ECHDC2: variants seen among roughly 807,000 people sequenced by gnomAD.
ECHDC2 encodes enoyl-CoA hydratase domain-containing protein 2, mitochondrial.
A neutral mutation model predicts 40.6 loss-of-function variants in ECHDC2; 34 were observed. That is an observed-to-expected ratio of 0.84 (90% CI 0.64 to 1.11). The LOEUF (loss-of-function observed/expected upper bound fraction) is 1.11. ECHDC2 is among the 50% of genes most tolerant of loss of function. ECHDC2 has a pLI of 0.00. For missense variants in ECHDC2, 392 were observed against 400.7 expected (o/e 0.98, Z 0.19); for synonymous variants, 162 against 166.6 (o/e 0.97, Z 0.21).
chr1:52,907,764 TC>T, intron 4 of ECHDC2, 103 bp downstream of exon 4: 1 of 1,026,256 alleles, frequency 9.7e-7, no homozygotes, highest in South Asian at 1.5e-5. Context: ...ATCACAGAAC[TC>T]CAAACAGAAA....
At chr1:52,910,352 G>GTTTATTTTTTTT (rs1649103264) in intron 3 of ECHDC2, among the ~76,000 whole-genome samples, 1 of 32,062 alleles carries the variant, frequency 3.1e-5, no homozygotes, top group East Asian at 8.5e-4. Context: ...CCACAATTTC[G>GTTTATTTTTTTT]TTTTTTTTTT....
In ECHDC2 at chr1:52,896,517, G is replaced by C. The variant is rs1328610142; in HGVS notation, c.*3C>G. 3.1e-6 allele frequency: 5 copies of C among 1,612,892 alleles called. No homozygotes were observed. Among genetic ancestry groups the C allele is most frequent in the Non-Finnish European group, 4.2e-6 (5 of 1,178,974 alleles). On this transcript the variant is annotated 3_prime_UTR_variant, in exon 10 of 10. Transcript: ENST00000371522. ...TCTCCCATGCTGAAGGTTAAAATGG[G>C]GGTCATTTGCCAACAAATTTGGGAG...
chr1:52,919,509 GA>G (rs1651436454), intron 1 of ECHDC2, among the ~76,000 whole-genome samples: 1 of 152,152 alleles, frequency 6.6e-6, no homozygotes, highest in African/African-American at 2.4e-5. Context: ...TGCACTCTGT[GA>G]TGCTCCCACA....
chr1:52,906,421 C>A (rs776565736), intron 5 of ECHDC2, 98 bp downstream of exon 5: 1 of 1,103,382 alleles, frequency 9.1e-7, no homozygotes. Flanking sequence ...GGTTGGAAGC[C>A]AAGAACAGTG....
intron 4 of ECHDC2, chr1:52,907,652 G>A (rs1366377906): frequency 1.9e-6 from 1 of 537,878 alleles, no homozygotes; most frequent in African/African-American, 1.9e-5. Flanking sequence ...CTTGAACCCT[G>A]AGGGTGGGGC....
In ECHDC2 at chr1:52,905,056, C is replaced by T. The variant is rs34668291; in HGVS notation, c.492G>A (p.Thr164=). 1,611 of 1,613,496 alleles carry T rather than the reference C, an allele frequency of 1.0e-3. 12 individuals are homozygous for T. In the African/African-American group the frequency reaches 0.018, roughly 18 times the overall value. Residue 164 remains threonine, a synonymous_variant, in exon 6 of 10, where the codon ACG becomes ACA. Transcript: ENST00000371522. ...SSAVMGLIET[T]RGLLPGAGGT... Reference sequence around the variant, plus strand: ...TACCTGCCCCCGGGAGGAGCCCTCGCGTGGTCTCAATCAGTCCCATGACTG... The same window carrying T: ...TACCTGCCCCCGGGAGGAGCCCTCGTGTGGTCTCAATCAGTCCCATGACTG...
intron 1 of ECHDC2, chr1:52,921,342 T>A: frequency 8.3e-7 from 1 of 1,205,542 alleles, no homozygotes; most frequent in African/African-American, 1.6e-5. Context: ...AGACCGAGGT[T>A]GCCAGAGGCC....
Position 52,910,352 on chromosome 1 carries a change from G to GTTTTTTTTTTTTTTTTTT in ECHDC2, c.277+1196_277+1213dup, listed in dbSNP as rs869088329. 1.9e-4 allele frequency among the ~76,000 whole-genome samples: 6 copies of GTTTTTTTTTTTTTTTTTT among 32,102 alleles called. 2 individuals carry two copies. The highest frequency in any genetic ancestry group is 6.2e-4 in the Admixed American group (1 of 1,606). The allele number at this position is 32,102 out of a possible 152,430, so 21.1% of individuals were successfully genotyped here. On this transcript the variant is annotated intron_variant, in intron 3 of 9. Coordinates refer to ENST00000371522, the MANE Select transcript of ECHDC2 (RefSeq NM_001198961.2). ...GTTACTTATATTTCACCACAATTTCGTTTTTTTTTTTTTTTTTTTTTTTTT... is the reference window on the plus strand; with the variant it reads ...GTTACTTATATTTCACCACAATTTCGTTTTTTTTTTTTTTTTTTTTTTTTTTTTTTTTTTTTTTTTTTT...
intron 1 of ECHDC2, among the ~76,000 whole-genome samples, chr1:52,920,210 G>A (rs1319218354): frequency 6.6e-6 from 1 of 152,148 alleles, no homozygotes; most frequent in Non-Finnish European, 1.5e-5. Context: ...ACTGTTCAAG[G>A]AAATTCTCAC....
Position 52,907,865 on chromosome 1 carries a change from C to T in ECHDC2, c.364+3G>A, listed in dbSNP as rs745668272. On this transcript the variant is annotated splice_donor_region_variant and intron_variant, in intron 4 of 9. Coordinates refer to ENST00000371522, the MANE Select transcript of ECHDC2 (RefSeq NM_001198961.2). Reference sequence around the variant, plus strand: ...CTCCTCCACCCCACACCCAGATCCTCACCGATGTCATTCATCAGGCCCCGG... The same window carrying T: ...CTCCTCCACCCCACACCCAGATCCTTACCGATGTCATTCATCAGGCCCCGG... 5.2e-5 allele frequency: 84 copies of T among 1,610,946 alleles called. No homozygotes were observed. Among genetic ancestry groups the T allele is most frequent in the Middle Eastern group, 1.7e-4 (1 of 6,052 alleles).
intron 1 of ECHDC2, among the ~76,000 whole-genome samples, chr1:52,915,818 T>C (rs886362528): frequency 6.6e-6 from 1 of 152,182 alleles, no homozygotes; most frequent in African/African-American, 2.4e-5. Context: ...GGTTAAGTTA[T>C]ATGGTGAAGG....
chr1:52,915,088 A>C (rs1035793843), intron 1 of ECHDC2: 1 of 382,722 alleles, frequency 2.6e-6, no homozygotes, highest in East Asian at 7.3e-5. Context: ...CCATCTAGTC[A>C]GGGTGTGGGG....
intron 9 of ECHDC2, chr1:52,897,112 C>A: frequency 2.3e-6 from 1 of 434,590 alleles, no homozygotes; most frequent in East Asian, 4.1e-5. Flanking sequence ...AGCCCTTGAC[C>A]TCCCAACTCC....
rs565334548 is a variant in ECHDC2 at position 52,909,782 on chromosome 1, T to TAA, written c.277+1782_277+1783dup. On this transcript the variant is annotated intron_variant, in intron 3 of 9. Coordinates refer to ENST00000371522, the MANE Select transcript of ECHDC2 (RefSeq NM_001198961.2). ...GTTGTTGCATTGTTATTTTTGTTGT[T>TAA]AACATTTTCAATCTGCGGTTGGTTG... 2.9e-3 allele frequency among the ~76,000 whole-genome samples: 438 copies of TAA among 152,350 alleles called. 2 individuals carry two copies. The highest frequency in any genetic ancestry group is 0.01 in the African/African-American group (423 of 41,578).
intron 1 of ECHDC2, 98 bp downstream of exon 1, chr1:52,921,455 G>T (rs1335097930): frequency 6.8e-7 from 1 of 1,462,656 alleles, no homozygotes; most frequent in Non-Finnish European, 9.0e-7. Context: ...ACTGGGGATC[G>T]AATCCTTCAA....
At chr1:52,908,916 G>T (rs1436714501) in intron 3 of ECHDC2, among the ~76,000 whole-genome samples, 1 of 141,224 alleles carries the variant, frequency 7.1e-6, no homozygotes, top group Non-Finnish European at 1.5e-5. Flanking sequence ...CTCCATCCTG[G>T]GTGACAGAGT....
intron 3 of ECHDC2, among the ~76,000 whole-genome samples, chr1:52,911,204 G>C (rs182760196): frequency 6.6e-6 from 1 of 151,800 alleles, no homozygotes; most frequent in Admixed American, 6.6e-5. Context: ...TCTCGAACTC[G>C]GGCCTCAAGT....
chr1:52,920,261 A>T (rs977136237), intron 1 of ECHDC2, among the ~76,000 whole-genome samples: 5 of 152,212 alleles, frequency 3.3e-5, no homozygotes, highest in African/African-American at 1.2e-4. Flanking sequence ...GTCCGTGTCC[A>T]CTGAAGGTGG....
intron 1 of ECHDC2, among the ~76,000 whole-genome samples, chr1:52,919,573 G>C (rs1361669794): frequency 1.3e-5 from 2 of 152,150 alleles, no homozygotes; most frequent in Non-Finnish European, 2.9e-5. Context: ...CCGTTGTTAA[G>C]CAACACATGA....
Sources: allele counts gnomAD v4.1 joint callset (sites outside exome capture counted in the v4.1 genomes callset), GRCh38; gene constraint gnomAD v4.1.1; transcripts MANE v1.5; gene names NCBI Gene and HGNC (gene_info 2026-07-23, HGNC 2026-07-21).